Variants in HECW1 observed in about 807,000 individuals in gnomAD.
HECW1 encodes E3 ubiquitin-protein ligase HECW1.
HECW1 carries 61 observed loss-of-function variants against 182.3 expected under a neutral mutation model. That is an observed-to-expected ratio of 0.33 (90% CI 0.27 to 0.41). The LOEUF is 0.41. Ranked by LOEUF, HECW1 falls within the 10% of genes least tolerant of loss-of-function variation. The pLI is 1.00. For synonymous variants in HECW1, 859 were observed against 832.6 expected (o/e 1.03, Z -0.55); for missense variants, 1,739 against 2,108.9 (o/e 0.82, Z 3.44).
At chr7:43,115,857 C>T (rs1370321849) in intron 2 of HECW1, among the ~76,000 whole-genome samples, 1 of 152,166 alleles carries the variant, frequency 6.6e-6, no homozygotes, top group Non-Finnish European at 1.5e-5. Flanking sequence ...ATAGCACTTA[C>T]AATATTGCAG....
intron 7 of HECW1, among the ~76,000 whole-genome samples, chr7:43,404,572 T>C (rs2075539267): frequency 6.6e-6 from 1 of 152,228 alleles, no homozygotes; most frequent in Non-Finnish European, 1.5e-5. Flanking sequence ...TGTGGACAAG[T>C]TGTTTGATAG....
chr7:43,528,058 A>G (rs2080829266), intron 24 of HECW1, among the ~76,000 whole-genome samples: 1 of 152,236 alleles, frequency 6.6e-6, no homozygotes, highest in Non-Finnish European at 1.5e-5. Context: ...TCCATTAATT[A>G]ACTACTTTGA....
At chr7:43,127,113 G>A (rs373719546) in intron 2 of HECW1, among the ~76,000 whole-genome samples, 5 of 152,312 alleles carry the variant, frequency 3.3e-5, no homozygotes, top group African/African-American at 1.2e-4. Flanking sequence ...GTCAAAAGCC[G>A]AGACAAGTCA....
intron 2 of HECW1, among the ~76,000 whole-genome samples, chr7:43,180,273 C>T (rs1331973563): frequency 9.4e-6 from 1 of 106,842 alleles, no homozygotes; most frequent in Non-Finnish European, 1.9e-5. Context: ...AGGTAGAGTC[C>T]TCTAGCTCCC....
At position 43,445,238 on chromosome 7, in the gene HECW1, G is replaced by C. The variant is rs1365682001; in HGVS notation, c.2066G>C (p.Ser689Thr). ...TCGTGCTACAGCTCCTCGTGCTACA[G>C]CACGTCCTGCTACAGCAGCTCGTGC... The part of the protein sequence containing the change: ...SPSCYSSSCY[S>T]TSCYSSSCYS... Residue 689 changes from serine to threonine, a missense_variant, in exon 11 of 30, where the codon AGC becomes ACC. By Grantham distance (58) the Ser-to-Thr change is moderately conservative (BLOSUM62 1). Transcript: ENST00000395891. The C allele has an allele frequency of 6.2e-7, 1 of 1,613,248 alleles. No individual in the cohort carries two copies. Among genetic ancestry groups the C allele is most frequent in the East Asian group, 2.2e-5 (1 of 44,880 alleles).
Position 43,501,842 on chromosome 7 carries a change from AAAAG to A in HECW1, c.3631+536_3631+539del, listed in dbSNP as rs554668603. On this transcript the variant is annotated intron_variant, in intron 21 of 29. Coordinates refer to ENST00000395891, the MANE Select transcript of HECW1 (RefSeq NM_015052.5). ...AGAGTCCCTATCTAAAAAAAAATAA[AAAAG>A]AAAGAAAGAAAGAAAAGAAAAAAAT... Among the ~76,000 whole-genome samples, 138 of 152,292 alleles carry A rather than the reference AAAAG, an allele frequency of 9.1e-4. 1 individual carries two copies. The highest frequency in any genetic ancestry group is 8.7e-3 in the East Asian group (45 of 5,188).
In HECW1 at chr7:43,527,562, C is replaced by G. The variant is rs553602614; in HGVS notation, c.4020-13601C>G. On this transcript the variant is annotated intron_variant, in intron 24 of 29. Coordinates refer to ENST00000395891, the MANE Select transcript of HECW1 (RefSeq NM_015052.5). Reference sequence around the variant, plus strand: ...GCCCACCTGGATAATCCAAGATCATCTTATCTTGAGGTCCTTTACTTAATT... The same window carrying G: ...GCCCACCTGGATAATCCAAGATCATGTTATCTTGAGGTCCTTTACTTAATT... 5.9e-5 allele frequency among the ~76,000 whole-genome samples: 9 copies of G among 152,298 alleles called. No homozygotes were observed. In the East Asian group the frequency reaches 1.7e-3, roughly 29 times the overall value.
At chr7:43,547,042 G>A (rs1014256000) in intron 26 of HECW1, among the ~76,000 whole-genome samples, 8 of 152,124 alleles carry the variant, frequency 5.3e-5, no homozygotes, top group Admixed American at 4.6e-4. Flanking sequence ...TGGTCAGCAC[G>A]AGCTGCTTCT....
chr7:43,461,648 C>T (rs796137562), intron 13 of HECW1, among the ~76,000 whole-genome samples: 4 of 152,172 alleles, frequency 2.6e-5, no homozygotes, highest in African/African-American at 9.7e-5. Context: ...AGAGTGCCAT[C>T]CTTCACCATC....
intron 8 of HECW1, among the ~76,000 whole-genome samples, chr7:43,420,429 T>G (rs1289590390): frequency 2.0e-5 from 3 of 152,172 alleles, no homozygotes; most frequent in Non-Finnish European, 4.4e-5. Context: ...GGATGCACAC[T>G]TTAGCCACTT....
rs1004851015 is a variant in HECW1, at chr7:43,147,113, C to T, written c.-32+32722C>T. 7.9e-5 allele frequency among the ~76,000 whole-genome samples: 12 copies of T among 152,260 alleles called. 1 individual carries two copies. The highest frequency in any genetic ancestry group is 7.2e-4 in the Admixed American group (11 of 15,288). On this transcript the variant is annotated intron_variant, in intron 2 of 29. Coordinates refer to ENST00000395891, the MANE Select transcript of HECW1 (RefSeq NM_015052.5). ...AAGACTATTAAAGTTGTCTGTTATC[C>T]AAGGAAACCTTTACTAGGCTTTCAA... is the stretch of plus-strand genomic sequence containing the variant.
At chr7:43,449,876 G>A (rs560704018) in intron 11 of HECW1, among the ~76,000 whole-genome samples, 190 of 152,306 alleles carry the variant, frequency 1.2e-3, no homozygotes, top group Non-Finnish European at 2.1e-3. Context: ...CCAAGCAGCT[G>A]GTGCTGCAGG....
Position 43,466,642 on chromosome 7 carries a change from A to G in HECW1, c.2913+74A>G, listed in dbSNP as rs1051271723. On this transcript the variant is annotated intron_variant, in intron 15 of 29. Transcript: ENST00000395891. ...AAACACAGCTTTGTAAAGTCATCTG[A>G]TAGATCTAAAAGGGTAGAATTTTAA... The G allele has an allele frequency of 6.0e-6, 9 of 1,512,602 alleles. No homozygotes were observed. In the African/African-American group the frequency reaches 1.2e-4, roughly 21 times the overall value. The allele number at this position is 1,512,602 out of a possible 1,614,324, so 93.7% of individuals were successfully genotyped here.
intron 2 of HECW1, among the ~76,000 whole-genome samples, chr7:43,238,150 C>A (rs936489198): frequency 1.3e-5 from 2 of 152,170 alleles, no homozygotes; most frequent in Non-Finnish European, 2.9e-5. Flanking sequence ...TGTTTGCCCA[C>A]CACAGATGTG....
chr7:43,335,751 CTCTTTCTT>C (rs149779652), intron 5 of HECW1, among the ~76,000 whole-genome samples: 1 of 145,976 alleles, frequency 6.9e-6, no homozygotes, highest in African/African-American at 2.6e-5. Context: ...CTCCTTTCCT[CTCTTTCTT>C]TCTTTCTTTT....
At chr7:43,338,223 C>T (rs935962387) in intron 5 of HECW1, among the ~76,000 whole-genome samples, 3 of 152,160 alleles carry the variant, frequency 2.0e-5, no homozygotes, top group Admixed American at 2.0e-4. Flanking sequence ...CTGCCTCCAG[C>T]CTGAATGCTT....
At chr7:43,113,973 G>T (rs1784847264) in intron 1 of HECW1, 184 bp from the exon 2 acceptor site, 2 of 312,788 alleles carry the variant, frequency 6.4e-6, no homozygotes, top group Admixed American at 9.2e-5. Context: ...GAGATGCCCG[G>T]CTTCCTGTGG....
chr7:43,302,384 GA>G (rs1269425191), intron 3 of HECW1, among the ~76,000 whole-genome samples: 5 of 152,226 alleles, frequency 3.3e-5, no homozygotes, highest in Non-Finnish European at 7.3e-5. Flanking sequence ...TGAATAAGAG[GA>G]GGGGCTGGCC....
At chr7:43,203,746 G>A (rs540043615) in intron 2 of HECW1, among the ~76,000 whole-genome samples, 13 of 152,222 alleles carry the variant, frequency 8.5e-5, no homozygotes, top group African/African-American at 2.9e-4. Context: ...GGTAGCCACC[G>A]CTCCCAGCCA....
Sources: allele counts gnomAD v4.1 joint callset (sites outside exome capture counted in the v4.1 genomes callset), GRCh38; gene constraint gnomAD v4.1.1; transcripts MANE v1.5; gene names NCBI Gene and HGNC (gene_info 2026-07-23, HGNC 2026-07-21).